Variants in ELAVL2 observed in about 807,000 individuals in gnomAD.
The protein encoded by ELAVL2 is ELAV-like protein 2.
A neutral mutation model predicts 34.6 loss-of-function variants in ELAVL2; 4 were observed. The ratio of observed to expected loss-of-function variants is 0.12; its 90% CI spans 0.06 to 0.26. The LOEUF (loss-of-function observed/expected upper bound fraction) is 0.26, where lower values mean the gene tolerates loss of function less well. Ranked by LOEUF, ELAVL2 falls within the 10% of genes least tolerant of loss-of-function variation. The pLI, the probability that ELAVL2 is intolerant of heterozygous loss-of-function variation, is 1.00. For synonymous variants in ELAVL2, 193 were observed against 154.8 expected (o/e 1.25, Z -1.83); for missense variants, 432 against 442.8 (o/e 0.98, Z 0.22).
At chr9:23,716,866 A>G (rs1039646679) in intron 3 of ELAVL2, among the ~76,000 whole-genome samples, 52 of 152,230 alleles carry the variant, frequency 3.4e-4, no homozygotes, top group Non-Finnish European at 8.8e-5. Context: ...CTGAGCCAGA[A>G]TAAAGATTTC....
chr9:23,848,141 T>A, the ELAVL2 span, among the ~76,000 whole-genome samples: 1 of 152,076 alleles, frequency 6.6e-6, no homozygotes, highest in South Asian at 2.1e-4. Flanking sequence ...GTGTTTATTT[T>A]AAAACCCCAG....
chr9:23,828,432 C>T (rs2065396748), upstream of ELAVL2, among the ~76,000 whole-genome samples: 1 of 151,784 alleles, frequency 6.6e-6, no homozygotes, highest in African/African-American at 2.4e-5. Context: ...TTTATATCCA[C>T]AAAAAAAGAC....
chr9:23,703,975 C>G (rs2038402713), intron 4 of ELAVL2, among the ~76,000 whole-genome samples: 1 of 151,930 alleles, frequency 6.6e-6, no homozygotes, highest in Non-Finnish European at 1.5e-5. Flanking sequence ...GCCCATTGCC[C>G]AGGCTGGAGT....
rs562782330 is a variant in ELAVL2 at position 23,692,632 on chromosome 9, A to T, written c.1005T>A (p.Ala335=). Reference sequence around the variant, plus strand: ...CTCCCAGACGGTATCCATTGAGGCTAGCTATCGCCATGGCAGCCTCATCAT... The same window carrying T: ...CTCCCAGACGGTATCCATTGAGGCTTGCTATCGCCATGGCAGCCTCATCAT... ...TNYDEAAMAI[A]SLNGYRLGDR... Residue 335 remains alanine (A), a synonymous_variant, in exon 7 of 7, where the codon GCT becomes GCA. Coordinates refer to ENST00000397312, the MANE Select transcript of ELAVL2 (RefSeq NM_004432.5). The T allele has an allele frequency of 6.2e-7, 1 of 1,614,200 alleles. No individual in the cohort carries two copies. The highest frequency in any genetic ancestry group is 1.1e-5 in the South Asian group (1 of 91,090).
intron 2 of ELAVL2, among the ~76,000 whole-genome samples, chr9:23,739,950 C>T (rs1440637855): frequency 1.3e-5 from 2 of 152,126 alleles, no homozygotes; most frequent in East Asian, 1.9e-4. Flanking sequence ...TCCCTGCAAA[C>T]CACCATGGAG....
At chr9:23,821,418 C>T (rs376612515) in intron 1 of ELAVL2, 1 of 152,234 alleles carries the variant, frequency 6.6e-6, no homozygotes, top group African/African-American at 2.4e-5. Context: ...GGGCTGAGCT[C>T]TAGGAACTTC....
intron 1 of ELAVL2, among the ~76,000 whole-genome samples, chr9:23,774,112 G>A (rs554217034): frequency 6.7e-6 from 1 of 149,822 alleles, no homozygotes; most frequent in South Asian, 2.1e-4. Context: ...ACGGGAGGCT[G>A]AGGCAGGACA....
chr9:23,834,651 C>T, the ELAVL2 span, among the ~76,000 whole-genome samples: 1 of 151,992 alleles, frequency 6.6e-6, no homozygotes, highest in African/African-American at 2.4e-5. Context: ...TGCATACTGT[C>T]TCTTAAATAT....
intron 2 of ELAVL2, among the ~76,000 whole-genome samples, chr9:23,751,095 A>C (rs531466866): frequency 1.6e-4 from 24 of 152,276 alleles, no homozygotes; most frequent in African/African-American, 5.3e-4. Flanking sequence ...CAAGTCTATC[A>C]TCCCTCACCA....
chr9:23,786,481 AC>A (rs2059695006), intron 1 of ELAVL2, among the ~76,000 whole-genome samples: 1 of 152,068 alleles, frequency 6.6e-6, no homozygotes, highest in Non-Finnish European at 1.5e-5. Context: ...TAACAATGAA[AC>A]TTGAGGGCGA....
intron 3 of ELAVL2, among the ~76,000 whole-genome samples, chr9:23,709,580 C>A (rs991648578): frequency 6.6e-6 from 1 of 152,102 alleles, no homozygotes; most frequent in African/African-American, 2.4e-5. Flanking sequence ...CCCTTGAAGG[C>A]CCAAAAGAGT....
chr9:23,743,535 GCTTGT>G (rs1427878540), intron 2 of ELAVL2, among the ~76,000 whole-genome samples: 4 of 152,108 alleles, frequency 2.6e-5, no homozygotes, highest in Non-Finnish European at 4.4e-5. Flanking sequence ...GAGCACAGAG[GCTTGT>G]CTTGTCTTTT....
chr9:23,695,291 A>G (rs755943024), intron 5 of ELAVL2, among the ~76,000 whole-genome samples: 4 of 152,220 alleles, frequency 2.6e-5, no homozygotes, highest in Non-Finnish European at 4.4e-5. Context: ...GAGGTCTCCA[A>G]CCAAAGTGCT....
chr9:23,775,361 C>G (rs1253522192), intron 1 of ELAVL2, among the ~76,000 whole-genome samples: 2 of 152,160 alleles, frequency 1.3e-5, no homozygotes, highest in Admixed American at 6.5e-5. Flanking sequence ...CAGAGCAAGA[C>G]CATGTCTCCA....
At chr9:23,818,885 C>T (rs2064114942) in intron 1 of ELAVL2, among the ~76,000 whole-genome samples, 1 of 152,136 alleles carries the variant, frequency 6.6e-6, no homozygotes, top group Admixed American at 6.5e-5. Context: ...AACATGAAGG[C>T]TAATTTGCCA....
chr9:23,779,184 G>A (rs1217652240), intron 1 of ELAVL2: 1 of 984,754 alleles, frequency 1.0e-6, no homozygotes, highest in African/African-American at 1.7e-5. Flanking sequence ...TATTTTGGAG[G>A]TAAAACAGGA....
At chr9:23,704,536 C>T (rs1336123481) in intron 4 of ELAVL2, among the ~76,000 whole-genome samples, 1 of 152,092 alleles carries the variant, frequency 6.6e-6, no homozygotes, top group African/African-American at 2.4e-5. Flanking sequence ...CCTTGGAGAA[C>T]TAGCTGCATA....
At chr9:23,723,135 G>A (rs772290835) in intron 3 of ELAVL2, among the ~76,000 whole-genome samples, 12 of 151,980 alleles carry the variant, frequency 7.9e-5, no homozygotes, top group African/African-American at 1.9e-4. Flanking sequence ...TGTTTATTGC[G>A]GCACTATTCA....
At chr9:23,714,279 A>G (rs1352646261) in intron 3 of ELAVL2, among the ~76,000 whole-genome samples, 7 of 152,216 alleles carry the variant, frequency 4.6e-5, no homozygotes. Flanking sequence ...GATGACACAG[A>G]GGAGGAGACG....
Sources: allele counts gnomAD v4.1 joint callset (sites outside exome capture counted in the v4.1 genomes callset), GRCh38; gene constraint gnomAD v4.1.1; transcripts MANE v1.5; gene names NCBI Gene and HGNC (gene_info 2026-07-23, HGNC 2026-07-21).